The following BACH2 variants were observed in gnomAD, a reference collection of about 807,000 sequenced individuals.
The protein encoded by BACH2 is transcription regulator protein BACH2.
Under a neutral mutation model 61.8 loss-of-function variants are expected in BACH2, and 5 were observed. That is an observed-to-expected ratio of 0.08 (90% CI 0.04 to 0.17). The LOEUF is 0.17. Among genes scored for constraint, BACH2 ranks in the 10% least tolerant of loss-of-function variants. The pLI, the probability that BACH2 is intolerant of heterozygous loss-of-function variation, is 1.00. For synonymous variants in BACH2, 446 were observed against 440.1 expected (o/e 1.01, Z -0.17); for missense variants, 824 against 1,091.1 (o/e 0.76, Z 3.45).
chr6:89,965,910 A>G (rs1775022819), intron 6 of BACH2, among the ~76,000 whole-genome samples: 1 of 152,218 alleles, frequency 6.6e-6, no homozygotes, highest in Non-Finnish European at 1.5e-5. Flanking sequence ...TGACCTTGAT[A>G]CCTGCTGTCA....
At chr6:90,069,984 T>A (rs192041635) in intron 5 of BACH2, among the ~76,000 whole-genome samples, 10 of 152,252 alleles carry the variant, frequency 6.6e-5, no homozygotes, top group Admixed American at 3.9e-4. Flanking sequence ...TCTCCTGTCT[T>A]CCTCAGCTCC....
intron 4 of BACH2, among the ~76,000 whole-genome samples, chr6:90,129,889 A>G (rs1032514149): frequency 2.0e-5 from 3 of 151,774 alleles, no homozygotes; most frequent in Non-Finnish European, 2.9e-5. Flanking sequence ...TTGTTTTTTG[A>G]GACAGAGTCT....
intron 4 of BACH2, among the ~76,000 whole-genome samples, chr6:90,126,717 T>C (rs1216389188): frequency 6.6e-6 from 1 of 152,222 alleles, no homozygotes; most frequent in African/African-American, 2.4e-5. Context: ...GTGGTATCTC[T>C]AACAAATTTA....
At chr6:90,241,014 G>T (rs943640352) in intron 3 of BACH2, among the ~76,000 whole-genome samples, 6 of 151,564 alleles carry the variant, frequency 4.0e-5, no homozygotes, top group Non-Finnish European at 8.8e-5. Flanking sequence ...TGCGCCTGTA[G>T]TCTCCAGCTA....
intron 4 of BACH2, among the ~76,000 whole-genome samples, chr6:90,108,216 T>C (rs1193418193): frequency 6.6e-6 from 1 of 152,150 alleles, no homozygotes; most frequent in Non-Finnish European, 1.5e-5. Context: ...ACAGACTTAG[T>C]TATGTATCAC....
chr6:90,152,247 G>A (rs756884703), intron 4 of BACH2, among the ~76,000 whole-genome samples: 10 of 152,268 alleles, frequency 6.6e-5, no homozygotes, highest in South Asian at 2.1e-4. Flanking sequence ...TATTTCTAGC[G>A]ATAAGCATCT....
At chr6:90,150,192 C>T (rs772643480) in intron 4 of BACH2, among the ~76,000 whole-genome samples, 2 of 152,112 alleles carry the variant, frequency 1.3e-5, no homozygotes, top group African/African-American at 4.8e-5. Flanking sequence ...CTCTCATGCC[C>T]GTGCCAGTGT....
chr6:89,933,003 A>G, intron 8 of BACH2, 113 bp from the exon 9 acceptor site: 1 of 1,195,964 alleles, frequency 8.4e-7, no homozygotes. Context: ...AATGTAACTC[A>G]AGAATGACTA....
At chr6:90,296,323 G>A (rs1323292163) in intron 1 of BACH2, among the ~76,000 whole-genome samples, 157 bp downstream of exon 1, 1 of 151,362 alleles carries the variant, frequency 6.6e-6, no homozygotes, top group Admixed American at 6.6e-5. Context: ...AAGCGGGCAG[G>A]GCGCGGGGAG....
intron 8 of BACH2, among the ~76,000 whole-genome samples, chr6:89,936,151 C>T (rs951076838): frequency 6.6e-6 from 1 of 152,198 alleles, no homozygotes; most frequent in Admixed American, 6.5e-5. Context: ...CCTTGAGGAA[C>T]TGACAGTTGA....
chr6:89,940,491 A>G (rs1266343868), intron 7 of BACH2, among the ~76,000 whole-genome samples: 1 of 152,214 alleles, frequency 6.6e-6, no homozygotes, highest in African/African-American at 2.4e-5. Context: ...GGGATTCAGC[A>G]GCTTCTGGGT....
At chr6:90,249,191 C>G (rs1349243855) in intron 3 of BACH2, among the ~76,000 whole-genome samples, 3 of 152,156 alleles carry the variant, frequency 2.0e-5, no homozygotes, top group Admixed American at 2.0e-4. Context: ...GAGTGACTGT[C>G]TTTGCCATGG....
chr6:90,137,766 C>A (rs191926806), intron 4 of BACH2, among the ~76,000 whole-genome samples: 32 of 152,220 alleles, frequency 2.1e-4, no homozygotes, highest in Admixed American at 1.1e-3. Flanking sequence ...GTGCTCTCCC[C>A]AACCAGGATG....
rs575079379 is a variant in BACH2, at chr6:90,293,517, A to T, written c.-446+2963T>A. ...TCTGAGAAACAGCTCACAAGCGCTA[A>T]TGAATAACTAAGTCCTGTCGGCTGT... On this transcript the variant is annotated intron_variant, in intron 1 of 8. Coordinates refer to ENST00000257749, the MANE Select transcript of BACH2 (RefSeq NM_021813.4). 3.9e-5 allele frequency among the ~76,000 whole-genome samples: 6 copies of T among 152,338 alleles called. No homozygotes were observed. In the South Asian group the frequency reaches 1.2e-3, roughly 32 times the overall value.
chr6:90,278,353 G>GCC (rs1771758067), intron 1 of BACH2, among the ~76,000 whole-genome samples: 1 of 152,230 alleles, frequency 6.6e-6, no homozygotes, highest in African/African-American at 2.4e-5. Context: ...TCAGTGCCCA[G>GCC]CCAAGGCATT....
At chr6:90,006,077 A>T (rs904944349) in intron 6 of BACH2, among the ~76,000 whole-genome samples, 2 of 152,216 alleles carry the variant, frequency 1.3e-5, no homozygotes, top group African/African-American at 4.8e-5. Flanking sequence ...ATCTAAAAAG[A>T]AACTTTAAGG....
chr6:90,139,624 T>C (rs555113756), intron 4 of BACH2, among the ~76,000 whole-genome samples: 54 of 152,362 alleles, frequency 3.5e-4, no homozygotes, highest in African/African-American at 1.3e-3. Flanking sequence ...GGGTTGGGGA[T>C]ATTCAACAAA....
At position 90,210,312 on chromosome 6, in the gene BACH2, A is replaced by AACACAC. The variant is rs3072671; in HGVS notation, c.-274-3637_-274-3632dup. On this transcript the variant is annotated intron_variant, in intron 3 of 8. Coordinates refer to ENST00000257749, the MANE Select transcript of BACH2 (RefSeq NM_021813.4). ...ATAAACACAACACACACCCCAAAAC[A>AACACAC]ACACACACACACACACACACACACA... Among the ~76,000 whole-genome samples, 411 of 147,244 alleles carry AACACAC rather than the reference A, an allele frequency of 2.8e-3. 1 individual carries two copies. The highest frequency in any genetic ancestry group is 8.9e-3 in the African/African-American group (356 of 39,836).
chr6:90,170,113 C>T lies in BACH2; in HGVS notation c.-162+36456G>A, dbSNP rs546190568. 2.6e-5 allele frequency among the ~76,000 whole-genome samples: 4 copies of T among 152,082 alleles called. No homozygotes were observed. In the South Asian group the frequency reaches 8.3e-4, roughly 32 times the overall value. On this transcript the variant is annotated intron_variant, in intron 4 of 8. Coordinates refer to ENST00000257749, the MANE Select transcript of BACH2 (RefSeq NM_021813.4). Reference sequence around the variant, plus strand: ...ATTTAGAAACTTCTACAAATGTATACATCAATTGCAACTTAACCTTTACAA... The same window carrying T: ...ATTTAGAAACTTCTACAAATGTATATATCAATTGCAACTTAACCTTTACAA...
Sources: gnomAD v4.1 joint callset for allele counts (sites outside exome capture counted in the v4.1 genomes callset) on GRCh38, gnomAD v4.1.1 for gene constraint, MANE v1.5 for transcripts, NCBI Gene and HGNC (gene_info 2026-07-23, HGNC 2026-07-21) for gene names.